The following KCNMA1 variants were observed in gnomAD, a reference collection of about 807,000 sequenced individuals.
The protein encoded by KCNMA1 is Calcium-activated potassium channel subunit alpha-1.
A neutral mutation model predicts 140.0 loss-of-function variants in KCNMA1; 29 were observed. The observed-to-expected ratio is 0.21, with a 90% CI of 0.15 to 0.28. KCNMA1 has a LOEUF of 0.28. KCNMA1 is among the 10% of genes least tolerant of loss of function. The pLI is 1.00. For synonymous variants in KCNMA1, 612 were observed against 611.9 expected, an observed-to-expected ratio of 1.00 and a Z score of 0.00; for missense variants, 880 against 1,602.2, an observed-to-expected ratio of 0.55 and a Z score of 7.70.
intron 20 of KCNMA1, among the ~76,000 whole-genome samples, chr10:76,960,069 A>G (rs1195283574): frequency 1.3e-5 from 2 of 152,214 alleles, no homozygotes; most frequent in South Asian, 2.1e-4. Flanking sequence ...TTCTCCATCA[A>G]AACACCCCAA....
Position 77,403,966 on chromosome 10 carries a change from C to G in KCNMA1, c.436G>C (p.Asp146His). 6.2e-7 allele frequency: 1 copy of G among 1,614,186 alleles called. No homozygotes were observed. Among genetic ancestry groups the G allele is most frequent in the African/African-American group, 1.3e-5 (1 of 75,066 alleles). The change falls in exon 2 of 28, where the codon GAT (aspartate) becomes CAT (histidine). Residue 146 changes from aspartate (D) to histidine (H), a missense_variant. Coordinates refer to ENST00000286628, the MANE Select transcript of KCNMA1 (RefSeq NM_001161352.2). ...SQADGTLKPV[D>H]EKEEAVAAEV... ...GCGGCCACTGCCTCCTCTTTTTCAT[C>G]CACTGGTTTGAGAGTGCCATCCGCC...
chr10:77,625,459 C>T (rs1363415653), intron 1 of KCNMA1, among the ~76,000 whole-genome samples: 2 of 152,106 alleles, frequency 1.3e-5, no homozygotes, highest in Non-Finnish European at 2.9e-5. Flanking sequence ...CATTGTTGTG[C>T]ATCCCATCTC....
chr10:77,571,118 T>A (rs1351628631), intron 1 of KCNMA1, among the ~76,000 whole-genome samples: 1 of 152,204 alleles, frequency 6.6e-6, no homozygotes, highest in African/African-American at 2.4e-5. Flanking sequence ...ATTAGTCTAT[T>A]GTTTCTTCCT....
At chr10:77,152,042 T>C (rs1377413143) in intron 5 of KCNMA1, among the ~76,000 whole-genome samples, 1 of 152,118 alleles carries the variant, frequency 6.6e-6, no homozygotes, top group East Asian at 1.9e-4. Flanking sequence ...AGTATTGTGG[T>C]TAAGGGCAGA....
chr10:77,327,847 G>T (rs571781623), intron 2 of KCNMA1, among the ~76,000 whole-genome samples: 1 of 152,234 alleles, frequency 6.6e-6, no homozygotes, highest in East Asian at 1.9e-4. Context: ...GCGATCTTAG[G>T]TAAGCCACTT....
intron 14 of KCNMA1, among the ~76,000 whole-genome samples, chr10:77,055,558 A>G (rs1361160831): frequency 1.4e-5 from 2 of 144,854 alleles, no homozygotes; most frequent in Non-Finnish European, 3.0e-5. Context: ...ACACCAAGCC[A>G]TCTAGTAGTG....
intron 1 of KCNMA1, among the ~76,000 whole-genome samples, chr10:77,565,924 C>T (rs999886636): frequency 6.6e-6 from 1 of 152,100 alleles, no homozygotes; most frequent in Admixed American, 6.5e-5. Context: ...ACCAGGGACA[C>T]ACAGAACAAG....
intron 1 of KCNMA1, among the ~76,000 whole-genome samples, chr10:77,572,630 C>T (rs1603637229): frequency 9.5e-6 from 1 of 105,134 alleles, no homozygotes; most frequent in South Asian, 3.3e-4. Flanking sequence ...GTGGCATGTG[C>T]CTATAGTCCC....
At chr10:77,106,803 C>T (rs1871065) in intron 9 of KCNMA1, among the ~76,000 whole-genome samples, 141,529 of 152,234 alleles carry the variant, frequency 0.93, 65,887 homozygotes, top group African/African-American at 0.97. Context: ...TTTGGACTTA[C>T]TTGGCCTTTT....
chr10:77,153,756 C>A (rs2098451630), intron 5 of KCNMA1, among the ~76,000 whole-genome samples: 3 of 152,136 alleles, frequency 2.0e-5, no homozygotes, highest in Non-Finnish European at 4.4e-5. Flanking sequence ...GATTTGAAAT[C>A]ATTTATGGGA....
At position 77,110,314 on chromosome 10, in the gene KCNMA1, A is replaced by T; in HGVS notation, c.990T>A (p.Asn330Lys). 1.2e-6 allele frequency: 2 copies of T among 1,613,954 alleles called. No individual in the cohort carries two copies. Among genetic ancestry groups the T allele is most frequent in the Non-Finnish European group, 1.7e-6 (2 of 1,179,884 alleles). The change falls in exon 8 of 28, where the codon AAT becomes AAA. Residue 330 changes from asparagine to lysine, a missense_variant. Around this residue, in one of 13 missense-constraint regions of KCNMA1, gnomAD observed 198 missense variants for 580.1 expected, o/e 0.34. Transcript: ENST00000286628. Reference protein sequence around the residue: ...LVENSGDPWENFQNNQALTYW... With the variant: ...LVENSGDPWEKFQNNQALTYW... ...AGGTGAGAGCCTGGTTGTTTTGGAA[A>T]TTTTCCCATGGGTCCCCTGAATTCT...
chr10:77,530,874 T>C (rs1181152431), intron 1 of KCNMA1, among the ~76,000 whole-genome samples: 2 of 152,192 alleles, frequency 1.3e-5, no homozygotes, highest in Admixed American at 6.5e-5. Context: ...GGCAATAATA[T>C]CTGTGAAATC....
At chr10:77,410,480 A>G (rs1025264707) in intron 1 of KCNMA1, among the ~76,000 whole-genome samples, 2 of 152,180 alleles carry the variant, frequency 1.3e-5, no homozygotes, top group Admixed American at 6.5e-5. Flanking sequence ...GGGTTTAACT[A>G]CGTGTCAGTT....
chr10:76,949,158 T>C lies in KCNMA1; in HGVS notation c.2693A>G (p.Lys898Arg), dbSNP rs200714367. The C allele has an allele frequency of 5.8e-5, 94 of 1,613,456 alleles. No individual in the cohort carries two copies. In the Admixed American group the frequency reaches 1.5e-3, roughly 27 times the overall value. The change falls in exon 22 of 28, where the codon AAA becomes AGA. Residue 898 changes from lysine (K) to arginine (R), a missense_variant. This residue lies in a region of KCNMA1 where 82 missense variants were observed against 170.1 expected (regional missense o/e 0.48). Coordinates refer to ENST00000286628, the MANE Select transcript of KCNMA1 (RefSeq NM_001161352.2). ...REWETLHNFP[K>R]VSILPGTPLS... is the part of the protein sequence containing the mutation. The stretch of plus-strand genomic sequence containing the variant: ...TGGACTTACAGGCAATATGGACACT[T>C]TGGGGAAGTTATGAAGCGTCTCCCA...
At chr10:76,911,737 G>A (rs1440795645) in intron 24 of KCNMA1, 2 of 152,230 alleles carry the variant, frequency 1.3e-5, no homozygotes, top group Non-Finnish European at 2.9e-5. Context: ...TGAAGGTCTT[G>A]CTCAGGGGTC....
Position 77,084,705 on chromosome 10 carries a change from A to G in KCNMA1, c.1455T>C (p.Asp485=). ...ACTTGTTGGCAAGGATCAGGCATGC[A>G]TCTGCTGACTCTATCTAAGACACCG... ...DLARVKIESA[D]ACLILANKYC... is the part of the protein sequence containing the mutation. The change falls in exon 12 of 28, where the codon GAT becomes GAC. Residue 485 remains aspartate (D), a synonymous_variant. Coordinates refer to ENST00000286628, the MANE Select transcript of KCNMA1 (RefSeq NM_001161352.2). The G allele has an allele frequency of 1.2e-6, 2 of 1,613,762 alleles. No individual in the cohort carries two copies. Among genetic ancestry groups the G allele is most frequent in the Non-Finnish European group, 8.5e-7 (1 of 1,179,654 alleles).
intron 2 of KCNMA1, among the ~76,000 whole-genome samples, chr10:77,380,484 C>T (rs552899007): frequency 9.8e-5 from 15 of 152,320 alleles, no homozygotes; most frequent in African/African-American, 3.4e-4. Context: ...CAGCCCCTAG[C>T]TGGGCTCCTT....
intron 19 of KCNMA1, chr10:76,970,515 G>C: frequency 4.3e-6 from 1 of 229,974 alleles, no homozygotes; most frequent in South Asian, 5.9e-5. Flanking sequence ...TGCTTCTCCA[G>C]ATGAACCAAC....
At chr10:77,528,396 G>T (rs1297412897) in intron 1 of KCNMA1, among the ~76,000 whole-genome samples, 1 of 152,106 alleles carries the variant, frequency 6.6e-6, no homozygotes, top group Admixed American at 6.6e-5. Context: ...ATCACCTGAG[G>T]TCAGGAGTTT....
Sources: gnomAD v4.1 joint callset for allele counts (sites outside exome capture counted in the v4.1 genomes callset) on GRCh38, gnomAD v4.1.1 for gene constraint, gnomAD v4.1.1 regional missense constraint, MANE v1.5 for transcripts, NCBI Gene and HGNC (gene_info 2026-07-23, HGNC 2026-07-21) for gene names.